NFIB: variants seen among roughly 807,000 people sequenced by gnomAD.
NFIB encodes the protein nuclear factor I B.
NFIB carries 11 observed loss-of-function variants against 61.5 expected under a neutral mutation model. The ratio of observed to expected loss-of-function variants is 0.18; its 90% CI spans 0.11 to 0.30. The LOEUF is 0.30. Ranked by LOEUF, NFIB falls within the 10% of genes least tolerant of loss-of-function variation. The probability of loss-of-function intolerance (pLI) is 1.00; values close to 1 mark genes in which losing one functional copy is unlikely to be tolerated. For missense variants in NFIB, 471 were observed against 608.9 expected (o/e 0.77, Z 2.38); for synonymous variants, 260 against 216.5 (o/e 1.20, Z -1.76).
chr9:14,312,274 T>G (rs986717754), intron 1 of NFIB, among the ~76,000 whole-genome samples: 1 of 152,248 alleles, frequency 6.6e-6, no homozygotes, highest in African/African-American at 2.4e-5. Flanking sequence ...GTCATACAAT[T>G]GAAATCTTAA....
the NFIB span, among the ~76,000 whole-genome samples, chr9:14,419,369 G>T: frequency 2.0e-5 from 3 of 151,696 alleles, no homozygotes; most frequent in Admixed American, 2.0e-4. Context: ...CAGATTCAGG[G>T]GACCAGGGAG....
chr9:14,103,261 C>T (rs996696910), intron 10 of NFIB, among the ~76,000 whole-genome samples: 1 of 151,398 alleles, frequency 6.6e-6, no homozygotes, highest in Non-Finnish European at 1.5e-5. Context: ...GCTTGGTTAA[C>T]AGCTGCCCTA....
intron 6 of NFIB, among the ~76,000 whole-genome samples, chr9:14,129,454 G>T (rs2130925321): frequency 6.8e-6 from 1 of 146,906 alleles, no homozygotes; most frequent in East Asian, 2.0e-4. Context: ...GGAAATAAAA[G>T]ATCAATTATC....
At chr9:14,283,061 T>A (rs938942538) in intron 2 of NFIB, among the ~76,000 whole-genome samples, 1 of 152,208 alleles carries the variant, frequency 6.6e-6, no homozygotes, top group Non-Finnish European at 1.5e-5. Context: ...AGAACTACTC[T>A]GGCTAAGTTT....
chr9:14,089,157 G>C (rs1357842229), intron 10 of NFIB, among the ~76,000 whole-genome samples: 2 of 152,012 alleles, frequency 1.3e-5, no homozygotes, highest in Admixed American at 1.3e-4. Context: ...CCAATTCATG[G>C]TTCCCTACAT....
intron 2 of NFIB, among the ~76,000 whole-genome samples, chr9:14,244,785 TA>T (rs937220772): frequency 1.3e-5 from 2 of 152,142 alleles, no homozygotes; most frequent in Non-Finnish European, 2.9e-5. Context: ...CAATAAGTAC[TA>T]AAAAAATAGT....
At chr9:14,528,328 G>A in the NFIB span, among the ~76,000 whole-genome samples, 2 of 152,124 alleles carry the variant, frequency 1.3e-5, no homozygotes, top group Non-Finnish European at 2.9e-5. Flanking sequence ...GAGGGTACTT[G>A]GTTCACTGTT....
At chr9:14,109,317 C>T (rs1255264665) in intron 10 of NFIB, among the ~76,000 whole-genome samples, 3 of 151,856 alleles carry the variant, frequency 2.0e-5, no homozygotes, top group South Asian at 2.1e-4. Flanking sequence ...CCTATCATAA[C>T]GAATTTGCAC....
chr9:14,315,779 G>C (rs1222667880), upstream of NFIB, among the ~76,000 whole-genome samples: 1 of 151,772 alleles, frequency 6.6e-6, no homozygotes, highest in Non-Finnish European at 1.5e-5. Context: ...CCAGTTTTCT[G>C]CTTGGGGTGG....
At chr9:14,290,940 T>C (rs1406480932) in intron 2 of NFIB, among the ~76,000 whole-genome samples, 3 of 152,110 alleles carry the variant, frequency 2.0e-5, no homozygotes, top group South Asian at 2.1e-4. Context: ...TGTACTTGCA[T>C]TGTACCCATC....
chr9:14,132,118 T>C (rs1454743220), intron 6 of NFIB, among the ~76,000 whole-genome samples: 1 of 152,216 alleles, frequency 6.6e-6, no homozygotes, highest in Non-Finnish European at 1.5e-5. Flanking sequence ...GCAAGAATTC[T>C]TGAATTTCTG....
At chr9:14,177,349 A>G (rs2046300435) in intron 3 of NFIB, among the ~76,000 whole-genome samples, 3 of 151,946 alleles carry the variant, frequency 2.0e-5, no homozygotes, top group Non-Finnish European at 4.4e-5. Flanking sequence ...AAAAACCTTA[A>G]TAAGTTCTAG....
At chr9:14,506,644 G>T in the NFIB span, among the ~76,000 whole-genome samples, 1 of 152,154 alleles carries the variant, frequency 6.6e-6, no homozygotes, top group Non-Finnish European at 1.5e-5. Flanking sequence ...TGTAGGTTAG[G>T]TTTATTCTAA....
intron 3 of NFIB, among the ~76,000 whole-genome samples, chr9:14,165,233 A>C (rs1587213767): frequency 6.6e-6 from 1 of 152,266 alleles, no homozygotes; most frequent in South Asian, 2.1e-4. Flanking sequence ...CCCAGGCCTT[A>C]GGAAATAAGA....
intron 6 of NFIB, 98 bp from the exon 7 acceptor site, chr9:14,125,864 T>C (rs1586862053): frequency 1.4e-6 from 2 of 1,476,374 alleles, no homozygotes; most frequent in Non-Finnish European, 1.8e-6. Flanking sequence ...CATTTTAGTA[T>C]TCTTATACTT....
the NFIB span, among the ~76,000 whole-genome samples, chr9:14,441,521 A>T: frequency 6.6e-6 from 1 of 152,056 alleles, no homozygotes; most frequent in South Asian, 2.1e-4. Context: ...CAAAACCCAT[A>T]CTTTATGTTC....
intron 2 of NFIB, among the ~76,000 whole-genome samples, chr9:14,291,242 T>C (rs916220860): frequency 1.3e-5 from 2 of 152,032 alleles, no homozygotes; most frequent in Non-Finnish European, 2.9e-5. Context: ...CCAGCACTTT[T>C]GGGAGGCTGA....
intron 2 of NFIB, among the ~76,000 whole-genome samples, chr9:14,295,962 C>A (rs1004748175): frequency 2.6e-5 from 4 of 152,184 alleles, no homozygotes; most frequent in Non-Finnish European, 5.9e-5. Context: ...TAAAACCATA[C>A]AATCATTCTA....
At chr9:14,296,951 C>T (rs1366435319) in intron 2 of NFIB, among the ~76,000 whole-genome samples, 1 of 152,224 alleles carries the variant, frequency 6.6e-6, no homozygotes, top group Non-Finnish European at 1.5e-5. Flanking sequence ...CCTGCAAGAT[C>T]TAAGCCCCGC....
Sources: allele counts gnomAD v4.1 joint callset (sites outside exome capture counted in the v4.1 genomes callset), GRCh38; gene constraint gnomAD v4.1.1; transcripts MANE v1.5; gene names NCBI Gene and HGNC (gene_info 2026-07-23, HGNC 2026-07-21).